SEC61A1: variants seen among roughly 807,000 people sequenced by gnomAD.
SEC61A1 encodes protein transport protein Sec61 subunit alpha isoform 1.
Under a neutral mutation model 55.2 loss-of-function variants are expected in SEC61A1, and 15 were observed. That is an observed-to-expected ratio of 0.27 (90% CI 0.18 to 0.42). The LOEUF is 0.42. Among genes scored for constraint, SEC61A1 ranks in the 10% least tolerant of loss-of-function variants. SEC61A1 has a pLI of 1.00. For synonymous variants in SEC61A1, 247 were observed against 234.0 expected (o/e 1.06, Z -0.51); for missense variants, 284 against 602.6 (o/e 0.47, Z 5.53).
At position 128,055,738 on chromosome 3, in the gene SEC61A1, A is replaced by G. The variant is rs757034118; in HGVS notation, c.207A>G (p.Leu69=). 20 of 1,613,316 alleles carry G rather than the reference A, an allele frequency of 1.2e-5. No homozygotes were observed. Among genetic ancestry groups the G allele is most frequent in the Non-Finnish European group, 1.6e-5 (19 of 1,179,332 alleles). The stretch of plus-strand genomic sequence containing the variant: ...CTTTCTATTGGATGAGAGTGATTCT[A>G]GCCTCTAACAGAGGTAGGACTCTGG... The part of the protein sequence containing the change: ...ADPFYWMRVI[L]ASNRGTLMEL... Residue 69 remains leucine (L), a synonymous_variant, in exon 4 of 12, where the codon CTA becomes CTG. Transcript: ENST00000243253.
At chr3:128,057,990 G>A (rs2107642946) in intron 5 of SEC61A1, among the ~76,000 whole-genome samples, 1 of 152,118 alleles carries the variant, frequency 6.6e-6, no homozygotes, top group African/African-American at 2.4e-5. Context: ...GTAAAAATGG[G>A]GATAATAATG....
upstream of SEC61A1, chr3:128,051,925 C>G (rs1941678388): frequency 2.0e-6 from 3 of 1,526,114 alleles, no homozygotes; most frequent in Admixed American, 2.0e-5. Flanking sequence ...GCCCCACCAG[C>G]CCGCGCCCTA....
At chr3:128,052,224 C>T (rs1472367284), upstream of SEC61A1, 2 of 370,478 alleles carry the variant, frequency 5.4e-6, no homozygotes, top group East Asian at 5.1e-5. Flanking sequence ...CAGCCGCACA[C>T]CCCCAGTCCC....
In SEC61A1 at chr3:128,068,029, G is replaced by T; in HGVS notation, c.1214G>T (p.Arg405Leu). 6.2e-7 allele frequency: 1 copy of T among 1,613,870 alleles called. No homozygotes were observed. Among genetic ancestry groups the T allele is most frequent in the South Asian group, 1.1e-5 (1 of 91,070 alleles). The change falls in exon 11 of 12, where the codon CGA (arginine) becomes CTA (leucine). Residue 405 changes from arginine to leucine, a missense_variant. Coordinates refer to ENST00000243253, the MANE Select transcript of SEC61A1 (RefSeq NM_013336.4). ...CAGCAGATGGTGATGAGAGGCCACC[G>T]AGAGACCTCCATGGTCCATGAACTC... ...KEQQMVMRGH[R>L]ETSMVHELNR...
Position 128,060,151 on chromosome 3 carries a change from C to T in SEC61A1, c.402C>T (p.Thr134=), listed in dbSNP as rs745860286. Residue 134 remains threonine, a synonymous_variant, in exon 6 of 12, where the codon ACC becomes ACT. Coordinates refer to ENST00000243253, the MANE Select transcript of SEC61A1 (RefSeq NM_013336.4). ...GCCAGTCTATCGTGTATGTGATGACCGGGATGTATGGGGACCCTTCTGAAA... is the reference window on the plus strand; with the variant it reads ...GCCAGTCTATCGTGTATGTGATGACTGGGATGTATGGGGACCCTTCTGAAA... The part of the protein sequence containing the change: ...TIGQSIVYVM[T]GMYGDPSEMG... The T allele has an allele frequency of 1.2e-5, 19 of 1,613,886 alleles. No homozygotes were observed. Among genetic ancestry groups the T allele is most frequent in the African/African-American group, 2.7e-5 (2 of 74,910 alleles).
chr3:128,066,646 ACTT>A (rs1941989665), intron 8 of SEC61A1: 2 of 387,746 alleles, frequency 5.2e-6, no homozygotes, highest in Admixed American at 8.4e-5. Context: ...CTGGTATCGA[ACTT>A]CTGGGCTCAA....
intron 5 of SEC61A1, 133 bp downstream of exon 5, chr3:128,056,973 G>C: frequency 1.6e-6 from 1 of 629,146 alleles, no homozygotes; most frequent in South Asian, 5.7e-5. Flanking sequence ...GTCTTACTCT[G>C]TTGCCCAGGC....
rs752317606 is a variant in SEC61A1, at chr3:128,055,429, T to C, written c.76-87T>C. 6.6e-6 allele frequency: 7 copies of C among 1,066,150 alleles called. No individual in the cohort carries two copies. In the Admixed American group the frequency reaches 6.8e-5, roughly 10 times the overall value. 66.0% of individuals were successfully genotyped at this position (1,066,150 alleles called of 1,614,324 possible). ...AAAGAGTCTGGTTGGAGTCCATTTT[T>C]AGAGAAAGGGGTCTGATTGGAGTCC... On this transcript the variant is annotated intron_variant, in intron 2 of 11. Coordinates refer to ENST00000243253, the MANE Select transcript of SEC61A1 (RefSeq NM_013336.4).
rs889054410 is a variant in SEC61A1, at chr3:128,070,425, A to G, written c.*763A>G. Reference sequence around the variant, plus strand: ...CTGAGCCTGGCCAAGCTAGGTGGACAGACCCTTGCAGTGATGTCCGTTTGT... The same window carrying G: ...CTGAGCCTGGCCAAGCTAGGTGGACGGACCCTTGCAGTGATGTCCGTTTGT... On this transcript the variant is annotated 3_prime_UTR_variant, in exon 12 of 12. Coordinates refer to ENST00000243253, the MANE Select transcript of SEC61A1 (RefSeq NM_013336.4). 6.6e-6 allele frequency: 1 copy of G among 152,248 alleles called. No homozygotes were observed. The highest frequency in any genetic ancestry group is 2.4e-5 in the African/African-American group (1 of 41,460). 9.4% of individuals were successfully genotyped at this position (152,248 alleles called of 1,614,324 possible).
At chr3:128,063,462 GAGT>G (rs1389056273) in intron 7 of SEC61A1, among the ~76,000 whole-genome samples, 1 of 152,178 alleles carries the variant, frequency 6.6e-6, no homozygotes, top group African/African-American at 2.4e-5. Flanking sequence ...TCAGCCTCCT[GAGT>G]ATGGGATTAC....
At chr3:128,058,796 T>A (rs1941813661) in intron 5 of SEC61A1, among the ~76,000 whole-genome samples, 1 of 151,452 alleles carries the variant, frequency 6.6e-6, no homozygotes, top group Non-Finnish European at 1.5e-5. Flanking sequence ...AGCCCAGGAG[T>A]TTGAGGCTGC....
chr3:128,058,674 AAC>A (rs539153619), intron 5 of SEC61A1, among the ~76,000 whole-genome samples: 2 of 152,074 alleles, frequency 1.3e-5, no homozygotes, highest in South Asian at 2.1e-4. Flanking sequence ...TAGCCTGGGT[AAC>A]ACAGTGAGAG....
chr3:128,058,485 A>G (rs1941806590), intron 5 of SEC61A1, among the ~76,000 whole-genome samples: 1 of 152,188 alleles, frequency 6.6e-6, no homozygotes, highest in South Asian at 2.1e-4. Context: ...AAGTGCTGGG[A>G]TTACAGGCGT....
Position 128,060,126 on chromosome 3 carries a change from G to T in SEC61A1, c.377G>T (p.Gly126Val). 6.2e-7 allele frequency: 1 copy of T among 1,613,720 alleles called. No individual in the cohort carries two copies. The highest frequency in any genetic ancestry group is 1.1e-5 in the South Asian group (1 of 91,042). The change falls in exon 6 of 12, where the codon GGC (glycine) becomes GTC (valine). Residue 126 changes from glycine to valine, a missense_variant. Physicochemically the swap from Gly to Val is moderately radical, Grantham distance 109. Transcript: ENST00000243253. The stretch of plus-strand genomic sequence containing the variant: ...GTATTTGGCATGATCATTACTATCG[G>T]CCAGTCTATCGTGTATGTGATGACC... The part of the protein sequence containing the change: ...QKLFGMIITI[G>V]QSIVYVMTGM...
At chr3:128,051,902 G>C, upstream of SEC61A1, 2 of 1,535,958 alleles carry the variant, frequency 1.3e-6, no homozygotes, top group Non-Finnish European at 8.7e-7. Context: ...CAGACAGCGA[G>C]GGTGCTCGGT....
chr3:128,056,862 C>G lies in SEC61A1; in HGVS notation c.352+22C>G. ...AAGTGTAAGAAAGATTGTGAATAATCTGATGTCTATAGTTGGAAAATTTGA... is the reference window on the plus strand; with the variant it reads ...AAGTGTAAGAAAGATTGTGAATAATGTGATGTCTATAGTTGGAAAATTTGA... On this transcript the variant is annotated intron_variant, in intron 5 of 11. Coordinates refer to ENST00000243253, the MANE Select transcript of SEC61A1 (RefSeq NM_013336.4). 2 of 1,514,620 alleles carry G rather than the reference C, an allele frequency of 1.3e-6. 1 individual carries two copies. The highest frequency in any genetic ancestry group is 2.7e-5 in the South Asian group (2 of 73,702). 93.8% of individuals were successfully genotyped at this position (1,514,620 alleles called of 1,614,324 possible). A position where few individuals can be genotyped will look rare whatever the true frequency, so the allele number is the denominator to read the frequency against.
At chr3:128,051,845 G>T, upstream of SEC61A1, 1 of 1,535,836 alleles carries the variant, frequency 6.5e-7, no homozygotes, top group Non-Finnish European at 8.7e-7. Context: ...TTCTCAGATG[G>T]AAGGGGACCC....
Position 128,066,956 on chromosome 3 carries a change from C to T in SEC61A1, c.780C>T (p.Gly260=). The part of the protein sequence containing the change: ...FVFAVVIYFQ[G]FRVDLPIKSA... ...TTTGGTTCTGTTTGGCTTCTCAGGG[C>T]TTCCGAGTGGACCTGCCAATCAAGT... is the stretch of plus-strand genomic sequence containing the variant. The change falls in exon 9 of 12, where the codon GGC becomes GGT. Residue 260 remains glycine (G), a splice_region_variant and synonymous_variant. Transcript: ENST00000243253. 1.2e-6 allele frequency: 2 copies of T among 1,614,178 alleles called. No individual in the cohort carries two copies. The highest frequency in any genetic ancestry group is 2.2e-5 in the East Asian group (1 of 44,872).
intron 7 of SEC61A1, among the ~76,000 whole-genome samples, chr3:128,061,053 A>G (rs1359273666): frequency 6.6e-6 from 1 of 152,214 alleles, no homozygotes; most frequent in Non-Finnish European, 1.5e-5. Flanking sequence ...AGCTGCTCTC[A>G]GTGAATAAGT....
Sources: allele counts gnomAD v4.1 joint callset (sites outside exome capture counted in the v4.1 genomes callset), GRCh38; gene constraint gnomAD v4.1.1; transcripts MANE v1.5; gene names NCBI Gene and HGNC (gene_info 2026-07-23, HGNC 2026-07-21).